Variants in ENPP2 observed in about 807,000 individuals in gnomAD.
ENPP2 encodes ectonucleotide pyrophosphatase/phosphodiesterase 2.
A neutral mutation model predicts 120.2 loss-of-function variants in ENPP2; 51 were observed. That is an observed-to-expected ratio of 0.42 (90% CI 0.34 to 0.54). The LOEUF (loss-of-function observed/expected upper bound fraction) is 0.54. Among genes scored for constraint, ENPP2 ranks in the 20% least tolerant of loss-of-function variants. The pLI is 0.04. For missense variants in ENPP2, 920 were observed against 1,066.5 expected, an observed-to-expected ratio of 0.86 and a Z score of 1.91; for synonymous variants, 365 against 366.4, an observed-to-expected ratio of 1.00 and a Z score of 0.04.
At chr8:119,662,871 G>A (rs1411108607) in intron 1 of ENPP2, among the ~76,000 whole-genome samples, 1 of 152,164 alleles carries the variant, frequency 6.6e-6, no homozygotes, top group African/African-American at 2.4e-5. Flanking sequence ...AGGACTTTGG[G>A]AGGCCAAGGC....
At chr8:119,607,448 G>A (rs1459920911) in intron 9 of ENPP2, among the ~76,000 whole-genome samples, 1 of 152,140 alleles carries the variant, frequency 6.6e-6, no homozygotes, top group African/African-American at 2.4e-5. Flanking sequence ...GACAGAGGCG[G>A]GAGGATCACA....
At chr8:119,664,865 T>C (rs1213993329) in intron 1 of ENPP2, among the ~76,000 whole-genome samples, 2 of 152,004 alleles carry the variant, frequency 1.3e-5, no homozygotes, top group Non-Finnish European at 2.9e-5. Flanking sequence ...CGCTTAAACC[T>C]AGGAGGTGGA....
intron 2 of ENPP2, among the ~76,000 whole-genome samples, chr8:119,637,459 G>A (rs1404981673): frequency 1.3e-5 from 2 of 152,130 alleles, no homozygotes; most frequent in African/African-American, 2.4e-5. Flanking sequence ...TTCCATCAAT[G>A]TATGTGTCCT....
At chr8:119,653,742 C>G (rs192184407) in intron 1 of ENPP2, among the ~76,000 whole-genome samples, 1 of 152,076 alleles carries the variant, frequency 6.6e-6, no homozygotes, top group African/African-American at 2.4e-5. Flanking sequence ...ATGACATGGT[C>G]CAATTTATGT....
intron 19 of ENPP2, among the ~76,000 whole-genome samples, chr8:119,575,547 T>C (rs1812275622): frequency 6.6e-6 from 1 of 152,180 alleles, no homozygotes; most frequent in South Asian, 2.1e-4. Flanking sequence ...ATTCCCTTTG[T>C]TCCCACTCTT....
intron 22 of ENPP2, among the ~76,000 whole-genome samples, chr8:119,566,202 C>G (rs1814422280): frequency 6.6e-6 from 1 of 152,146 alleles, no homozygotes; most frequent in South Asian, 2.1e-4. Flanking sequence ...CTTCTAATTT[C>G]CATAATGGCC....
At chr8:119,671,376 G>C (rs1403527514) in intron 1 of ENPP2, among the ~76,000 whole-genome samples, 2 of 152,186 alleles carry the variant, frequency 1.3e-5, no homozygotes, top group Non-Finnish European at 2.9e-5. Context: ...ACTGGCCCCA[G>C]ATGAGACTAA....
rs1290039309 is a variant in ENPP2, at chr8:119,562,756, C to A, written c.2421+101G>T. 10 of 1,200,666 alleles carry A rather than the reference C, an allele frequency of 8.3e-6. No homozygotes were observed. The African/African-American group carries it at 1.1e-4, about 13-fold the overall frequency. 74.4% of individuals were successfully genotyped at this position (1,200,666 alleles called of 1,614,324 possible). A position where few individuals can be genotyped will look rare whatever the true frequency, so the allele number is the denominator to read the frequency against. On this transcript the variant is annotated intron_variant, in intron 24 of 24. Coordinates refer to ENST00000075322, the MANE Select transcript of ENPP2 (RefSeq NM_001040092.3). The stretch of plus-strand genomic sequence containing the variant: ...TTCTTTTTTCTGTTTAGGGTGAATG[C>A]TTTATAATAAGTATGTTCTAGTTCA...
chr8:119,572,289 C>T (rs1815065421), intron 19 of ENPP2: 1 of 1,431,730 alleles, frequency 7.0e-7, no homozygotes, highest in Admixed American at 2.0e-5. Context: ...AGAAGCTATT[C>T]TCTTTTCATC....
At chr8:119,570,564 C>A in intron 20 of ENPP2, 141 bp downstream of exon 20, 1 of 542,380 alleles carries the variant, frequency 1.8e-6, no homozygotes, top group Non-Finnish European at 3.1e-6. Flanking sequence ...AAATATCTTA[C>A]AATAAATCCA....
At chr8:119,570,288 A>C (rs1814853119) in intron 20 of ENPP2, among the ~76,000 whole-genome samples, 1 of 148,362 alleles carries the variant, frequency 6.7e-6, no homozygotes, top group East Asian at 2.0e-4. Context: ...GAAAAAAAAA[A>C]AAAACAGATG....
At chr8:119,662,984 G>T (rs574412398) in intron 1 of ENPP2, among the ~76,000 whole-genome samples, 147 of 152,060 alleles carry the variant, frequency 9.7e-4, no homozygotes, top group Admixed American at 2.2e-3. Context: ...AGGTGTGATG[G>T]CACACACCTG....
intron 9 of ENPP2, among the ~76,000 whole-genome samples, chr8:119,603,925 G>A (rs1814496753): frequency 6.6e-6 from 1 of 152,098 alleles, no homozygotes; most frequent in Admixed American, 6.5e-5. Context: ...TGAGGACGCT[G>A]GAGGTCTGAG....
chr8:119,585,213 G>A (rs1012250164), intron 15 of ENPP2, among the ~76,000 whole-genome samples: 12 of 152,132 alleles, frequency 7.9e-5, no homozygotes, highest in African/African-American at 2.9e-4. Context: ...AATTCTCCAT[G>A]AGGATTTCCC....
At chr8:119,672,196 G>A (rs1175828367) in intron 1 of ENPP2, among the ~76,000 whole-genome samples, 1 of 152,178 alleles carries the variant, frequency 6.6e-6, no homozygotes, top group African/African-American at 2.4e-5. Context: ...GGGAAGAGGA[G>A]CAGAAAACTG....
At chr8:119,585,180 C>G (rs1186457414) in intron 15 of ENPP2, among the ~76,000 whole-genome samples, 1 of 152,148 alleles carries the variant, frequency 6.6e-6, no homozygotes, top group East Asian at 1.9e-4. Flanking sequence ...CAGTCACATC[C>G]CAATTAATTT....
chr8:119,661,207 C>A lies in ENPP2; in HGVS notation c.21+12045G>T, dbSNP rs1275495944. ...GGGAGGGAGAGCATTAGGACAAATA[C>A]CTCATGCTTGTGGGGCTTAAAACCT... On this transcript the variant is annotated intron_variant, in intron 1 of 25. Coordinates refer to the ENPP2 transcript ENST00000427067. 3.3e-5 allele frequency among the ~76,000 whole-genome samples: 5 copies of A among 152,166 alleles called. No individual in the cohort carries two copies. The East Asian group carries it at 9.6e-4, about 29-fold the overall frequency.
At chr8:119,561,457 T>C (rs1813922391) in intron 24 of ENPP2, among the ~76,000 whole-genome samples, 1 of 152,256 alleles carries the variant, frequency 6.6e-6, no homozygotes, top group Non-Finnish European at 1.5e-5. Context: ...ACATCTCTAC[T>C]CCTTCTGTCA....
intron 1 of ENPP2, among the ~76,000 whole-genome samples, chr8:119,657,040 GC>G (rs1333892689): frequency 1.3e-5 from 2 of 152,038 alleles, no homozygotes; most frequent in African/African-American, 4.8e-5. Flanking sequence ...CGATTCTCCT[GC>G]CTCAGCCTCC....
Sources: gnomAD v4.1 joint callset for allele counts (sites outside exome capture counted in the v4.1 genomes callset) on GRCh38, gnomAD v4.1.1 for gene constraint, MANE v1.5 for transcripts, NCBI Gene and HGNC (gene_info 2026-07-23, HGNC 2026-07-21) for gene names.